The following TMEM212 variants were observed in gnomAD, a reference collection of about 807,000 sequenced individuals.
The protein encoded by TMEM212 is transmembrane protein 212.
TMEM212 carries 23 observed loss-of-function variants against 20.5 expected under a neutral mutation model. The observed-to-expected ratio is 1.12, with a 90% CI of 0.81 to 1.59. The LOEUF (loss-of-function observed/expected upper bound fraction) is 1.59. Ranked by LOEUF, TMEM212 falls within the 40% of genes most tolerant of loss-of-function variation. TMEM212 has a pLI of 0.00. For synonymous variants in TMEM212, 76 were observed against 81.6 expected (o/e 0.93, Z 0.37); for missense variants, 211 against 215.0 (o/e 0.98, Z 0.12).
At chr3:171,851,049 C>A (rs1424065588) in intron 1 of TMEM212, among the ~76,000 whole-genome samples, 1 of 152,182 alleles carries the variant, frequency 6.6e-6, no homozygotes, top group Non-Finnish European at 1.5e-5. Context: ...TGTGTACATA[C>A]AGTCATGCTT....
intron 1 of TMEM212, among the ~76,000 whole-genome samples, chr3:171,843,862 A>G (rs1309552187): frequency 2.0e-5 from 3 of 152,172 alleles, no homozygotes; most frequent in African/African-American, 7.2e-5. Flanking sequence ...TGAAATGTGA[A>G]TTTTGAATTT....
intron 2 of TMEM212, 129 bp from the exon 3 acceptor site, chr3:171,853,398 T>G: frequency 1.4e-6 from 1 of 736,524 alleles, no homozygotes; most frequent in Non-Finnish European, 2.2e-6. Flanking sequence ...AGAGTCGTGA[T>G]TGATTTCTCC....
At chr3:171,854,257 A>T (rs1725060924) in intron 3 of TMEM212, among the ~76,000 whole-genome samples, 1 of 152,188 alleles carries the variant, frequency 6.6e-6, no homozygotes, top group Admixed American at 6.5e-5. Flanking sequence ...TTTGCAGATG[A>T]CATGACCTTA....
At chr3:171,853,973 T>C (rs1412782745) in intron 3 of TMEM212, 123 bp downstream of exon 3, 1 of 743,010 alleles carries the variant, frequency 1.3e-6, no homozygotes, top group Admixed American at 2.9e-5. Context: ...GCTTTTGATA[T>C]CCAGGTCTGG....
intron 2 of TMEM212, 122 bp from the exon 3 acceptor site, chr3:171,853,405 C>A (rs879115084): frequency 1.4e-3 from 905 of 630,172 alleles, no homozygotes; most frequent in East Asian, 2.2e-3. Flanking sequence ...TGATTGATTT[C>A]TCCCTCATTT....
chr3:171,853,800 A>T lies in TMEM212; in HGVS notation c.493A>T (p.Thr165Ser). The T allele has an allele frequency of 6.5e-7, 1 of 1,537,030 alleles. No individual in the cohort carries two copies. Among genetic ancestry groups the T allele is most frequent in the Non-Finnish European group, 8.7e-7 (1 of 1,146,808 alleles). Residue 165 changes from threonine (T) to serine (S), a missense_variant, in exon 3 of 5, where the codon ACA (threonine) becomes TCA (serine). Transcript: ENST00000334567. ...LSFTLLCTSLTVFIKLSARLI... is the reference protein window; with the variant it reads ...LSFTLLCTSLSVFIKLSARLI... ...CTTTACCCTACTCTGTACATCCTTGACAGTGTTCATCAAACTTTCTGCAAG... is the reference window on the plus strand; with the variant it reads ...CTTTACCCTACTCTGTACATCCTTGTCAGTGTTCATCAAACTTTCTGCAAG...
In TMEM212 at chr3:171,859,155, T is replaced by C. The variant is rs948851900; in HGVS notation, c.*1098T>C. 2.6e-5 allele frequency: 4 copies of C among 151,864 alleles called. No individual in the cohort carries two copies. The highest frequency in any genetic ancestry group is 9.7e-5 in the African/African-American group (4 of 41,312). 9.4% of individuals were successfully genotyped at this position (151,864 alleles called of 1,614,324 possible). A position where few individuals can be genotyped will look rare whatever the true frequency, so the allele number is the denominator to read the frequency against. The stretch of plus-strand genomic sequence containing the variant: ...TCACACACTGGGGCCTTTCAGTGGG[T>C]GGGAGGCTGGGGGAGGGATAGCATT... On this transcript the variant is annotated 3_prime_UTR_variant, in exon 5 of 5. Transcript: ENST00000334567.
Position 171,853,526 on chromosome 3 carries a change from G to A in TMEM212, c.220-1G>A, listed in dbSNP as rs962157567. 1 of 1,531,638 alleles carries A rather than the reference G, an allele frequency of 6.5e-7. No homozygotes were observed. The highest frequency in any genetic ancestry group is 8.7e-7 in the Non-Finnish European group (1 of 1,143,578). 94.9% of individuals were successfully genotyped at this position (1,531,638 alleles called of 1,614,324 possible). A position where few individuals can be genotyped will look rare whatever the true frequency, so the allele number is the denominator to read the frequency against. ...ACAATTTATTTTTGCTTTATTTTCA[G>A]GGGGAAGCTACTTTCACCTTTGTGA... On this transcript the variant is annotated splice_acceptor_variant, in intron 2 of 4. Transcript: ENST00000334567. LOFTEE classifies it high-confidence loss of function.
At chr3:171,848,330 G>A (rs1290430104) in intron 1 of TMEM212, among the ~76,000 whole-genome samples, 1 of 152,096 alleles carries the variant, frequency 6.6e-6, no homozygotes, top group Admixed American at 6.5e-5. Context: ...ATGCCCTACA[G>A]CCTAACACCA....
chr3:171,850,813 C>T (rs1381794033), intron 1 of TMEM212, among the ~76,000 whole-genome samples: 1 of 152,118 alleles, frequency 6.6e-6, no homozygotes, highest in East Asian at 1.9e-4. Flanking sequence ...ATTGTAGGCT[C>T]AGCTACATGA....
chr3:171,856,554 G>A, intron 3 of TMEM212, 109 bp from the exon 4 acceptor site: 1 of 512,352 alleles, frequency 2.0e-6, no homozygotes, highest in Non-Finnish European at 3.5e-6. Flanking sequence ...CCAGGTCATG[G>A]TAAATTTGGG....
intron 2 of TMEM212, among the ~76,000 whole-genome samples, chr3:171,852,569 G>A (rs900478546): frequency 6.6e-6 from 1 of 152,160 alleles, no homozygotes; most frequent in Non-Finnish European, 1.5e-5. Flanking sequence ...TATTGTATTT[G>A]GGGAGGACAG....
intron 1 of TMEM212, among the ~76,000 whole-genome samples, chr3:171,849,967 T>G (rs1222695741): frequency 6.6e-6 from 1 of 152,090 alleles, no homozygotes; most frequent in African/African-American, 2.4e-5. Context: ...CACTCTCCCC[T>G]TCCTCATAAC....
At chr3:171,851,101 T>C (rs1394177470) in intron 1 of TMEM212, among the ~76,000 whole-genome samples, 1 of 152,200 alleles carries the variant, frequency 6.6e-6, no homozygotes, top group African/African-American at 2.4e-5. Context: ...TTTAGAGCTG[T>C]CCATATTCTA....
chr3:171,847,961 T>C (rs1724876969), intron 1 of TMEM212, among the ~76,000 whole-genome samples: 1 of 152,182 alleles, frequency 6.6e-6, no homozygotes, highest in African/African-American at 2.4e-5. Flanking sequence ...TAAAGTTTGA[T>C]CAAGCAAATA....
intron 1 of TMEM212, among the ~76,000 whole-genome samples, chr3:171,844,166 G>T (rs1052895695): frequency 2.6e-5 from 4 of 152,154 alleles, no homozygotes; most frequent in African/African-American, 9.7e-5. Flanking sequence ...GTAGTACTCC[G>T]TGTGCGCTCA....
intron 3 of TMEM212, among the ~76,000 whole-genome samples, chr3:171,855,554 T>C (rs149736417): frequency 6.6e-6 from 1 of 152,302 alleles, no homozygotes; most frequent in East Asian, 1.9e-4. Context: ...GCATAAAGGA[T>C]ACAGTGGTAA....
rs543670863 is a variant in TMEM212 at position 171,858,688 on chromosome 3, A to C, written c.*631A>C. On this transcript the variant is annotated 3_prime_UTR_variant, in exon 5 of 5. Coordinates refer to ENST00000334567, the MANE Select transcript of TMEM212 (RefSeq NM_001164436.2). Reference sequence around the variant, plus strand: ...AATCTACCCATCTGACAAACAGCTAATATCCAGAATCTACAAAGAACTTAA... The same window carrying C: ...AATCTACCCATCTGACAAACAGCTACTATCCAGAATCTACAAAGAACTTAA... 5.9e-5 allele frequency: 9 copies of C among 152,332 alleles called. No individual in the cohort carries two copies. In the East Asian group the frequency reaches 1.5e-3, roughly 26 times the overall value. The allele number at this position is 152,332 out of a possible 1,614,324, so 9.4% of individuals were successfully genotyped here. A position where few individuals can be genotyped will look rare whatever the true frequency, so the allele number is the denominator to read the frequency against.
chr3:171,855,979 T>TA (rs1725105247), intron 3 of TMEM212, among the ~76,000 whole-genome samples: 1 of 152,112 alleles, frequency 6.6e-6, no homozygotes, highest in South Asian at 2.1e-4. Flanking sequence ...ATGGTTGCTT[T>TA]AAAATGAAGG....
Sources: allele counts gnomAD v4.1 joint callset (sites outside exome capture counted in the v4.1 genomes callset), GRCh38; gene constraint gnomAD v4.1.1; transcripts MANE v1.5; gene names NCBI Gene and HGNC (gene_info 2026-07-23, HGNC 2026-07-21).